The following DDAH1 variants were observed in gnomAD, a reference collection of about 807,000 sequenced individuals.
DDAH1 encodes N(G),N(G)-dimethylarginine dimethylaminohydrolase 1.
In DDAH1, 19 loss-of-function variants were observed where a neutral mutation model predicts 28.8. The observed-to-expected ratio is 0.66, with a 90% CI of 0.46 to 0.97. The LOEUF (loss-of-function observed/expected upper bound fraction) is 0.97, where lower values mean the gene tolerates loss of function less well. Ranked by LOEUF, DDAH1 falls within the 50% of genes least tolerant of loss-of-function variation. The probability of loss-of-function intolerance (pLI) is 0.00; values close to 1 mark genes in which losing one functional copy is unlikely to be tolerated. For synonymous variants in DDAH1, 153 were observed against 154.4 expected (o/e 0.99, Z 0.07); for missense variants, 326 against 375.9 (o/e 0.87, Z 1.10).
intron 1 of DDAH1, among the ~76,000 whole-genome samples, chr1:85,517,710 C>G (rs1657519428): frequency 1.3e-5 from 2 of 152,102 alleles, no homozygotes; most frequent in South Asian, 2.1e-4. Flanking sequence ...CTACACATCA[C>G]CCACCTTCTA....
chr1:85,461,376 T>C (rs1184980424), intron 1 of DDAH1, among the ~76,000 whole-genome samples: 1 of 152,220 alleles, frequency 6.6e-6, no homozygotes, highest in East Asian at 1.9e-4. Context: ...AGGCAAACAC[T>C]GGGCTTTCAC....
chr1:85,493,016 T>C (rs983536180), intron 2 of DDAH1, among the ~76,000 whole-genome samples: 1 of 152,152 alleles, frequency 6.6e-6, no homozygotes, highest in African/African-American at 2.4e-5. Context: ...TGGAAACTTT[T>C]GCCTTCATGG....
chr1:85,407,712 A>G (rs946897088), intron 1 of DDAH1, among the ~76,000 whole-genome samples: 1 of 152,194 alleles, frequency 6.6e-6, no homozygotes, highest in African/African-American at 2.4e-5. Flanking sequence ...TTTTGGTAAT[A>G]TTGACCCAAG....
chr1:85,418,932 C>T (rs553024573), intron 1 of DDAH1, among the ~76,000 whole-genome samples: 1 of 152,284 alleles, frequency 6.6e-6, no homozygotes, highest in Admixed American at 6.5e-5. Context: ...GCCCTCTGCT[C>T]ATATCGTAGT....
At chr1:85,375,496 CA>C (rs1650611560) in intron 1 of DDAH1, among the ~76,000 whole-genome samples, 1 of 152,062 alleles carries the variant, frequency 6.6e-6, no homozygotes, top group Non-Finnish European at 1.5e-5. Flanking sequence ...CTACTCATTC[CA>C]AAGTGTATGG....
chr1:85,352,107 A>G (rs963795962), intron 2 of DDAH1, among the ~76,000 whole-genome samples: 1 of 152,196 alleles, frequency 6.6e-6, no homozygotes, highest in Non-Finnish European at 1.5e-5. Flanking sequence ...ATTTTGCTCA[A>G]CTTTGATGAG....
At chr1:85,525,335 C>A (rs1657827233) in intron 1 of DDAH1, among the ~76,000 whole-genome samples, 1 of 152,098 alleles carries the variant, frequency 6.6e-6, no homozygotes, top group South Asian at 2.1e-4. Flanking sequence ...TCTCTCCCTA[C>A]ACATATCTGA....
At chr1:85,472,897 G>A (rs1256227821) in intron 2 of DDAH1, among the ~76,000 whole-genome samples, 1 of 152,034 alleles carries the variant, frequency 6.6e-6, no homozygotes, top group African/African-American at 2.4e-5. Flanking sequence ...GGAGTCCGCA[G>A]TTTCTGTTGT....
At chr1:85,501,077 T>TA (rs555766774) in intron 1 of DDAH1, among the ~76,000 whole-genome samples, 2 of 152,290 alleles carry the variant, frequency 1.3e-5, no homozygotes, top group South Asian at 4.1e-4. Flanking sequence ...TCTATTGACT[T>TA]AAAAAAATCT....
intron 2 of DDAH1, chr1:85,494,350 G>C: frequency 6.6e-6 from 1 of 152,146 alleles, no homozygotes. Context: ...TCCCCAAAGA[G>C]TACTCTCTCT....
At chr1:85,460,297 T>C (rs1326142545) in intron 1 of DDAH1, among the ~76,000 whole-genome samples, 1 of 152,194 alleles carries the variant, frequency 6.6e-6, no homozygotes, top group Non-Finnish European at 1.5e-5. Context: ...GGGGAACATC[T>C]ATCCAAATTA....
chr1:85,505,640 T>C (rs1027500991), intron 1 of DDAH1, among the ~76,000 whole-genome samples: 19 of 152,226 alleles, frequency 1.2e-4, no homozygotes, highest in African/African-American at 4.3e-4. Flanking sequence ...CTGTCTATAT[T>C]CTTGGCCTGA....
chr1:85,531,627 G>T (rs1372749818), intron 1 of DDAH1, among the ~76,000 whole-genome samples: 1 of 147,242 alleles, frequency 6.8e-6, no homozygotes, highest in Non-Finnish European at 1.5e-5. Context: ...CTATTGTACA[G>T]ACAATTATTA....
intron 2 of DDAH1, among the ~76,000 whole-genome samples, chr1:85,492,757 T>G (rs898942889): frequency 6.6e-6 from 1 of 152,160 alleles, no homozygotes; most frequent in Non-Finnish European, 1.5e-5. Context: ...CGGAAAGAAA[T>G]GTAAGGCCAA....
intron 1 of DDAH1, among the ~76,000 whole-genome samples, chr1:85,504,724 T>C (rs1656948837): frequency 6.6e-6 from 1 of 152,114 alleles, no homozygotes; most frequent in South Asian, 2.1e-4. Flanking sequence ...CACTGTTACA[T>C]ACGCTAAAAA....
At chr1:85,347,023 C>T (rs233078) in intron 4 of DDAH1, among the ~76,000 whole-genome samples, 1,604 of 152,210 alleles carry the variant, frequency 0.011, 29 homozygotes, top group African/African-American at 0.037. Flanking sequence ...AAATGCTCAT[C>T]ATCACTGGCC....
At chr1:85,547,229 T>C (rs1303150939) in intron 1 of DDAH1, among the ~76,000 whole-genome samples, 1 of 152,180 alleles carries the variant, frequency 6.6e-6, no homozygotes, top group Non-Finnish European at 1.5e-5. Flanking sequence ...ATGGGGCTAC[T>C]AATAGTACCT....
At chr1:85,407,925 G>A (rs975357617) in intron 1 of DDAH1, among the ~76,000 whole-genome samples, 10 of 151,968 alleles carry the variant, frequency 6.6e-5, no homozygotes, top group Admixed American at 5.2e-4. Context: ...TCCTTTTTAG[G>A]GGCAAGTATT....
At chr1:85,468,373 G>A (rs1655457237), upstream of DDAH1, among the ~76,000 whole-genome samples, 3 of 152,156 alleles carry the variant, frequency 2.0e-5, no homozygotes, top group Non-Finnish European at 4.4e-5. Context: ...ACACACCCAA[G>A]CCTGGGTAAT....
Sources: gnomAD v4.1 joint callset for allele counts (sites outside exome capture counted in the v4.1 genomes callset) on GRCh38, gnomAD v4.1.1 for gene constraint, MANE v1.5 for transcripts, NCBI Gene and HGNC (gene_info 2026-07-23, HGNC 2026-07-21) for gene names.